Variants in SORBS2 observed in about 807,000 individuals in gnomAD.
SORBS2 encodes sorbin and SH3 domain-containing protein 2.
SORBS2 carries 46 observed loss-of-function variants against 97.7 expected under a neutral mutation model. The ratio of observed to expected loss-of-function variants is 0.47; its 90% CI spans 0.37 to 0.60. SORBS2 has a LOEUF of 0.60. Ranked by LOEUF, SORBS2 falls within the 20% of genes least tolerant of loss-of-function variation. The pLI, the probability that SORBS2 is intolerant of heterozygous loss-of-function variation, is 0.00. For missense variants in SORBS2, 1,316 were observed against 1,282.3 expected (o/e 1.03, Z -0.40); for synonymous variants, 476 against 473.4 (o/e 1.01, Z -0.07).
At chr4:185,694,702 C>CTTTTT (rs1561959911) in intron 2 of SORBS2, among the ~76,000 whole-genome samples, 4 of 84,588 alleles carry the variant, frequency 4.7e-5, no homozygotes, top group Non-Finnish European at 7.7e-5. Flanking sequence ...TTTTCCTTTT[C>CTTTTT]TTTCTTTTCT....
At chr4:185,743,589 T>C (rs965289714) in intron 2 of SORBS2, among the ~76,000 whole-genome samples, 1 of 152,140 alleles carries the variant, frequency 6.6e-6, no homozygotes, top group Non-Finnish European at 1.5e-5. Context: ...CTCTGTTAGC[T>C]TCAAAATCTA....
chr4:185,607,456 A>G lies in SORBS2; in HGVS notation c.2796+4324T>C. 1 of 460,450 alleles carries G rather than the reference A, an allele frequency of 2.2e-6. No homozygotes were observed. The highest frequency in any genetic ancestry group is 2.0e-5 in the South Asian group (1 of 50,878). 28.5% of individuals were successfully genotyped at this position (460,450 alleles called of 1,614,324 possible). A position where few individuals can be genotyped will look rare whatever the true frequency, so the allele number is the denominator to read the frequency against. On this transcript the variant is annotated intron_variant, in intron 12 of 14. Transcript: ENST00000418609. The surrounding 1 kb of genome is among the most constrained non-coding windows in gnomAD (Gnocchi z 5.2). ...GAAATGCAGAAAAGATGCGGTGGTG[A>G]ATATGAAAATAATTTTATGTTTAAC...
chr4:185,752,631 C>G (rs2098808180), intron 2 of SORBS2, among the ~76,000 whole-genome samples: 1 of 152,160 alleles, frequency 6.6e-6, no homozygotes, highest in South Asian at 2.1e-4. Context: ...TCTTAAAAAA[C>G]TGAAATTACT....
At chr4:185,806,436 ATTTTTTTTTTTTTTTTTTTT>A (rs35448726) in intron 1 of SORBS2, among the ~76,000 whole-genome samples, 1 of 22,680 alleles carries the variant, frequency 4.4e-5, no homozygotes, top group African/African-American at 1.4e-4. Flanking sequence ...CTAGAATCCT[ATTTTTTTTTTTTTTTTTTTT>A]TTTTTTTTTT....
At chr4:185,924,794 C>G (rs1170565473) in intron 1 of SORBS2, among the ~76,000 whole-genome samples, 1 of 152,184 alleles carries the variant, frequency 6.6e-6, no homozygotes, top group Non-Finnish European at 1.5e-5. Flanking sequence ...GTTCCAATCC[C>G]CACTCCCTCC....
At chr4:185,908,312 T>C (rs1045155303) in intron 1 of SORBS2, among the ~76,000 whole-genome samples, 10 of 131,590 alleles carry the variant, frequency 7.6e-5, no homozygotes, top group Non-Finnish European at 1.3e-4. Context: ...TATATATATA[T>C]ATATATATAT....
intron 1 of SORBS2, among the ~76,000 whole-genome samples, chr4:185,816,613 C>T (rs1176810484): frequency 6.6e-6 from 1 of 152,142 alleles, no homozygotes. Context: ...GAAATATATG[C>T]TGGAAAGCAG....
At chr4:185,698,515 C>G (rs4554120) in intron 2 of SORBS2, among the ~76,000 whole-genome samples, 54,577 of 151,678 alleles carry the variant, frequency 0.36, 11,650 homozygotes, top group South Asian at 0.51. Flanking sequence ...CAAAACAAAA[C>G]AAAACACAAA....
At chr4:185,815,988 A>T (rs2099193052) in intron 1 of SORBS2, among the ~76,000 whole-genome samples, 1 of 152,268 alleles carries the variant, frequency 6.6e-6, no homozygotes, top group Admixed American at 6.5e-5. Context: ...ACTATTTATC[A>T]GAGTTGAAAC....
chr4:185,891,033 C>T lies in SORBS2; in HGVS notation c.-338+65163G>A, dbSNP rs189726245. 3.3e-5 allele frequency among the ~76,000 whole-genome samples: 5 copies of T among 152,234 alleles called. No individual in the cohort carries two copies. In the East Asian group the frequency reaches 7.7e-4, roughly 24 times the overall value. The stretch of plus-strand genomic sequence containing the variant: ...GGTTTCTTCAGCTATAAAATAAAGG[C>T]GTCAGGACAGACTGCCTCTGAGATT... On this transcript the variant is annotated intron_variant, in intron 1 of 20. Coordinates refer to the SORBS2 transcript ENST00000284776.
intron 1 of SORBS2, among the ~76,000 whole-genome samples, chr4:185,860,654 A>G (rs1054499202): frequency 1.1e-4 from 17 of 152,180 alleles, no homozygotes; most frequent in Non-Finnish European, 2.1e-4. Flanking sequence ...TTGGTTTTAT[A>G]CATTTTAGGG....
intron 1 of SORBS2, among the ~76,000 whole-genome samples, chr4:185,927,079 T>C (rs1315005411): frequency 6.6e-6 from 1 of 150,388 alleles, no homozygotes. Flanking sequence ...ACATATTATA[T>C]AATATATATT....
intron 1 of SORBS2, among the ~76,000 whole-genome samples, chr4:185,830,119 G>A (rs1347203128): frequency 6.6e-6 from 1 of 152,162 alleles, no homozygotes; most frequent in Non-Finnish European, 1.5e-5. Context: ...TTGTACTGGT[G>A]ATTTTTCCAA....
chr4:185,749,026 G>A (rs2098782380), intron 2 of SORBS2, among the ~76,000 whole-genome samples: 1 of 152,232 alleles, frequency 6.6e-6, no homozygotes, highest in Admixed American at 6.5e-5. Context: ...GATGTTAGAA[G>A]TATGGCTCGG....
At chr4:185,624,926 G>T (rs775001706) in intron 6 of SORBS2, among the ~76,000 whole-genome samples, 1 of 152,190 alleles carries the variant, frequency 6.6e-6, no homozygotes, top group Admixed American at 6.5e-5. Flanking sequence ...GCCGGAATTT[G>T]AGCCTCATTT....
chr4:185,774,692 A>G (rs2098991284), intron 2 of SORBS2: 1 of 122,274 alleles, frequency 8.2e-6, no homozygotes, highest in African/African-American at 3.8e-5. Flanking sequence ...CAAAACAACA[A>G]TAACAAAAAC....
intron 6 of SORBS2, among the ~76,000 whole-genome samples, chr4:185,625,412 GA>G (rs1344739973): frequency 6.6e-6 from 1 of 152,090 alleles, no homozygotes; most frequent in African/African-American, 2.4e-5. Flanking sequence ...TTTCTTCCTA[GA>G]AATAAAATCT....
At chr4:185,772,524 T>C in intron 2 of SORBS2, 1 of 152,218 alleles carries the variant, frequency 6.6e-6, no homozygotes, top group Admixed American at 6.5e-5. Flanking sequence ...AGAGGTATAT[T>C]TAAGCAAAGA....
chr4:185,771,827 C>T (rs2153625160), intron 2 of SORBS2: 1 of 152,276 alleles, frequency 6.6e-6, no homozygotes, highest in East Asian at 1.9e-4. Context: ...AAGAAAAGGA[C>T]AAGTCAGATC....
Sources: gnomAD v4.1 joint callset for allele counts (sites outside exome capture counted in the v4.1 genomes callset) on GRCh38, gnomAD v4.1.1 for gene constraint, Gnocchi (gnomAD v3.1) non-coding constraint, MANE v1.5 for transcripts, NCBI Gene and HGNC (gene_info 2026-07-23, HGNC 2026-07-21) for gene names.